The following PTPRD variants were observed in gnomAD, a reference collection of about 807,000 sequenced individuals.
PTPRD encodes receptor-type tyrosine-protein phosphatase delta.
PTPRD carries 34 observed loss-of-function variants against 214.5 expected under a neutral mutation model. That is an observed-to-expected ratio of 0.16 (90% confidence interval 0.12 to 0.21). The LOEUF is 0.21. Ranked by LOEUF, PTPRD falls within the 10% of genes least tolerant of loss-of-function variation. The pLI is 1.00. For synonymous variants in PTPRD, 1,128 were observed against 845.7 expected (o/e 1.33, Z -5.79); for missense variants, 2,545 against 2,398.7 (o/e 1.06, Z -1.27).
At chr9:9,591,422 A>AACACTGTGTT (rs2092717906) in intron 7 of PTPRD, among the ~76,000 whole-genome samples, 1 of 151,964 alleles carries the variant, frequency 6.6e-6, no homozygotes, top group African/African-American at 2.4e-5. Context: ...TACAGCCTCC[A>AACACTGTGTT]GGGAGGAACA....
intron 2 of PTPRD, among the ~76,000 whole-genome samples, chr9:10,352,187 C>A (rs2097194899): frequency 6.6e-6 from 1 of 151,974 alleles, no homozygotes; most frequent in Non-Finnish European, 1.5e-5. Flanking sequence ...GTTTTCTTCA[C>A]TGGATTTTTA....
chr9:9,032,714 C>T (rs992606853), intron 10 of PTPRD, among the ~76,000 whole-genome samples: 2 of 152,104 alleles, frequency 1.3e-5, no homozygotes, highest in South Asian at 2.1e-4. Flanking sequence ...GTTTGCATCC[C>T]GGCTCTGGCC....
chr9:10,528,189 C>T (rs975100382), intron 2 of PTPRD, among the ~76,000 whole-genome samples: 2 of 152,096 alleles, frequency 1.3e-5, no homozygotes, highest in Non-Finnish European at 2.9e-5. Flanking sequence ...TTACTGTTCT[C>T]ATCATGAGGC....
chr9:9,937,863 T>C (rs1270857762), intron 5 of PTPRD, among the ~76,000 whole-genome samples: 1 of 152,162 alleles, frequency 6.6e-6, no homozygotes, highest in Admixed American at 6.5e-5. Flanking sequence ...TTCTATTCAG[T>C]TTACCAAAGT....
At chr9:9,111,767 G>A (rs74560761) in intron 10 of PTPRD, among the ~76,000 whole-genome samples, 3,224 of 151,870 alleles carry the variant, frequency 0.021, 60 homozygotes, top group East Asian at 0.069. Context: ...TTGTGGAGAC[G>A]CTTGAGGAAA....
At position 8,536,644 on chromosome 9, in the gene PTPRD, C is replaced by T. The variant is rs142037126; in HGVS notation, c.353-7865G>A. ...TTTAGTACTGTGCCTATACCTTTAGCCCTTCTGTAATTTCTACTTAATTAC... is the reference window on the plus strand; with the variant it reads ...TTTAGTACTGTGCCTATACCTTTAGTCCTTCTGTAATTTCTACTTAATTAC... On this transcript the variant is annotated intron_variant, in intron 14 of 45. Coordinates refer to ENST00000381196, the MANE Select transcript of PTPRD (RefSeq NM_002839.4). Among the ~76,000 whole-genome samples, 4 of 151,830 alleles carry T rather than the reference C, an allele frequency of 2.6e-5. No homozygotes were observed. In the East Asian group the frequency reaches 5.8e-4, roughly 22 times the overall value.
chr9:9,344,119 C>G (rs2047892159), intron 9 of PTPRD, among the ~76,000 whole-genome samples: 1 of 152,152 alleles, frequency 6.6e-6, no homozygotes, highest in Admixed American at 6.5e-5. Flanking sequence ...ACATTGGCAT[C>G]AGACATGACA....
intron 5 of PTPRD, among the ~76,000 whole-genome samples, chr9:9,863,436 G>A (rs1409534963): frequency 6.6e-6 from 1 of 152,280 alleles, no homozygotes; most frequent in Middle Eastern, 3.4e-3. Context: ...AGGGTATAGT[G>A]AACGTTGAAT....
At chr9:9,499,035 A>G (rs550461024) in intron 8 of PTPRD, among the ~76,000 whole-genome samples, 146 of 152,060 alleles carry the variant, frequency 9.6e-4, no homozygotes, top group African/African-American at 2.9e-3. Flanking sequence ...AGCTCAAAAG[A>G]GTAGACATTG....
rs572391722 is a variant in PTPRD at position 8,498,725 on chromosome 9, C to T, written c.2322+922G>A. On this transcript the variant is annotated intron_variant, in intron 25 of 45. Transcript: ENST00000381196. ...ATTCCAATGATCATAATATCCTATCCCCATGACATCTCATCACCATTTGAC... is the reference window on the plus strand; with the variant it reads ...ATTCCAATGATCATAATATCCTATCTCCATGACATCTCATCACCATTTGAC... Among the ~76,000 whole-genome samples, 21 of 152,190 alleles carry T rather than the reference C, an allele frequency of 1.4e-4. 1 individual carries two copies. The South Asian group carries it at 4.2e-3, about 30-fold the overall frequency.
At chr9:9,105,514 A>G (rs1405221408) in intron 10 of PTPRD, among the ~76,000 whole-genome samples, 3 of 152,072 alleles carry the variant, frequency 2.0e-5, no homozygotes, top group Admixed American at 6.6e-5. Context: ...AAACACAACT[A>G]CCTCAGCTCT....
At chr9:10,139,150 T>C (rs1367532534) in intron 3 of PTPRD, among the ~76,000 whole-genome samples, 1 of 152,084 alleles carries the variant, frequency 6.6e-6, no homozygotes, top group African/African-American at 2.4e-5. Context: ...ACCAGGAAGA[T>C]TCCCCCAAAA....
At chr9:9,712,024 C>T (rs191327780) in intron 7 of PTPRD, among the ~76,000 whole-genome samples, 60 of 152,186 alleles carry the variant, frequency 3.9e-4, no homozygotes, top group African/African-American at 1.4e-3. Context: ...TCAGCATTAG[C>T]ATTGTGAGAT....
At chr9:9,491,878 G>C (rs1254480974) in intron 8 of PTPRD, among the ~76,000 whole-genome samples, 1 of 151,826 alleles carries the variant, frequency 6.6e-6, no homozygotes, top group Non-Finnish European at 1.5e-5. Context: ...GCTAGCAGAA[G>C]GATGGAAACA....
At chr9:8,823,078 T>A (rs965009897) in intron 11 of PTPRD, among the ~76,000 whole-genome samples, 11 of 152,140 alleles carry the variant, frequency 7.2e-5, no homozygotes, top group Admixed American at 2.6e-4. Context: ...GTTTCCATTT[T>A]ACTCAACAGC....
intron 5 of PTPRD, among the ~76,000 whole-genome samples, chr9:9,874,423 A>G (rs2066296225): frequency 6.6e-6 from 1 of 152,122 alleles, no homozygotes; most frequent in Non-Finnish European, 1.5e-5. Flanking sequence ...TTGGGTCAGA[A>G]AGAAAGGAAC....
At chr9:9,903,426 C>G (rs1163578678) in intron 5 of PTPRD, among the ~76,000 whole-genome samples, 1 of 152,000 alleles carries the variant, frequency 6.6e-6, no homozygotes, top group Non-Finnish European at 1.5e-5. Flanking sequence ...GAAACAGTTT[C>G]ACAAGTTGGT....
chr9:9,560,554 G>A (rs1450174090), intron 8 of PTPRD, among the ~76,000 whole-genome samples: 5 of 152,096 alleles, frequency 3.3e-5, no homozygotes, highest in Admixed American at 1.3e-4. Flanking sequence ...CACTGCCACC[G>A]GGTACCACAG....
At chr9:10,611,502 A>G (rs929179492) in intron 2 of PTPRD, among the ~76,000 whole-genome samples, 3 of 152,214 alleles carry the variant, frequency 2.0e-5, no homozygotes, top group African/African-American at 7.2e-5. Context: ...TTTTTTATAT[A>G]TATGTATAAT....
Sources: gnomAD v4.1 joint callset for allele counts (sites outside exome capture counted in the v4.1 genomes callset) on GRCh38, gnomAD v4.1.1 for gene constraint, MANE v1.5 for transcripts, NCBI Gene and HGNC (gene_info 2026-07-23, HGNC 2026-07-21) for gene names.